GEMIN2: variants seen among roughly 807,000 people sequenced by gnomAD.
GEMIN2 encodes the protein gem-associated protein 2.
In GEMIN2, 37 loss-of-function variants were observed where a neutral mutation model predicts 45.8. That is an observed-to-expected ratio of 0.81 (90% CI 0.62 to 1.06). GEMIN2 has a LOEUF of 1.06. Ranked by LOEUF, GEMIN2 falls within the 50% of genes least tolerant of loss-of-function variation. GEMIN2 has a pLI of 0.00. For synonymous variants in GEMIN2, 101 were observed against 111.5 expected (o/e 0.91, Z 0.60); for missense variants, 335 against 321.8 (o/e 1.04, Z -0.31).
At position 39,131,941 on chromosome 14, in the gene GEMIN2, T is replaced by A. The variant is rs531541693; in HGVS notation, c.601-17T>A. ...TCAGTATTTGTCTAAATATTAATTTTTTGAATTTTTTTTTAGGGAAGATGG... is the reference window on the plus strand; with the variant it reads ...TCAGTATTTGTCTAAATATTAATTTATTGAATTTTTTTTTAGGGAAGATGG... On this transcript the variant is annotated splice_polypyrimidine_tract_variant and intron_variant, in intron 7 of 9. Coordinates refer to ENST00000308317, the MANE Select transcript of GEMIN2 (RefSeq NM_003616.3). The A allele has an allele frequency of 7.7e-7, 1 of 1,306,482 alleles. No individual in the cohort carries two copies. Among genetic ancestry groups the A allele is most frequent in the Non-Finnish European group, 1.1e-6 (1 of 906,222 alleles). The allele number at this position is 1,306,482 out of a possible 1,614,324, so 80.9% of individuals were successfully genotyped here.
intron 7 of GEMIN2, 70 bp from the exon 8 acceptor site, chr14:39,131,888 T>G (rs768996630): frequency 1.7e-5 from 13 of 769,482 alleles, no homozygotes; most frequent in Non-Finnish European, 2.8e-5. Flanking sequence ...AGGCATAACA[T>G]TGGACATTTA....
intron 8 of GEMIN2, among the ~76,000 whole-genome samples, chr14:39,133,082 TAAG>T (rs1471560168): frequency 7.6e-6 from 1 of 130,722 alleles, no homozygotes; most frequent in Non-Finnish European, 1.7e-5. Flanking sequence ...TGAATATATA[TAAG>T]AACAGTAAGA....
intron 2 of GEMIN2, 64 bp downstream of exon 2, chr14:39,114,977 C>T (rs1318533849): frequency 1.3e-6 from 1 of 789,604 alleles, no homozygotes; most frequent in Non-Finnish European, 2.3e-6. Context: ...AACGCTCTTC[C>T]TATAGTATCT....
In GEMIN2 at chr14:39,136,619, G is replaced by T. The variant is rs2052785196; in HGVS notation, c.*140G>T. On this transcript the variant is annotated 3_prime_UTR_variant, in exon 10 of 10. Coordinates refer to ENST00000308317, the MANE Select transcript of GEMIN2 (RefSeq NM_003616.3). ...TTCACATCTTAACCTGTGCAATTCA[G>T]ATTGATACTCAGAATATGGGTTGAT... 3.1e-6 allele frequency: 2 copies of T among 643,776 alleles called. No homozygotes were observed. The highest frequency in any genetic ancestry group is 2.7e-5 in the Admixed American group (1 of 37,500). The allele number at this position is 643,776 out of a possible 1,614,324, so 39.9% of individuals were successfully genotyped here.
At chr14:39,136,079 T>TGA (rs898164994) in intron 9 of GEMIN2, among the ~76,000 whole-genome samples, 1 of 152,032 alleles carries the variant, frequency 6.6e-6, no homozygotes, top group African/African-American at 2.4e-5. Context: ...GGTGACAGAG[T>TGA]GAGACCTTGT....
intron 8 of GEMIN2, among the ~76,000 whole-genome samples, chr14:39,133,121 T>A (rs1240793978): frequency 6.8e-6 from 1 of 146,030 alleles, no homozygotes; most frequent in Non-Finnish European, 1.5e-5. Flanking sequence ...TGTACAGTGA[T>A]TAATATATAT....
intron 6 of GEMIN2, among the ~76,000 whole-genome samples, chr14:39,127,014 C>T (rs1019130435): frequency 1.3e-5 from 2 of 151,164 alleles, no homozygotes; most frequent in Admixed American, 6.6e-5. Context: ...CCACCCGCCT[C>T]AGCCTCCCAA....
chr14:39,118,840 T>C (rs1273026890), intron 4 of GEMIN2, among the ~76,000 whole-genome samples: 20 of 150,676 alleles, frequency 1.3e-4, no homozygotes. Context: ...TAGAGTGCAG[T>C]CATGGCTCAC....
intron 4 of GEMIN2, among the ~76,000 whole-genome samples, chr14:39,119,609 T>C (rs1229226263): frequency 1.3e-5 from 2 of 152,216 alleles, no homozygotes; most frequent in Non-Finnish European, 2.9e-5. Flanking sequence ...TCATAGATTT[T>C]AGATTTTAGA....
Position 39,133,645 on chromosome 14 carries a change from C to CTTT in GEMIN2, c.712-5_712-3dup. 1.1e-4 allele frequency: 125 copies of CTTT among 1,151,044 alleles called. No homozygotes were observed. The highest frequency in any genetic ancestry group is 1.4e-4 in the Non-Finnish European group (114 of 832,266). The allele number at this position is 1,151,044 out of a possible 1,614,324, so 71.3% of individuals were successfully genotyped here. A position where few individuals can be genotyped will look rare whatever the true frequency, so the allele number is the denominator to read the frequency against. On this transcript the variant is annotated splice_polypyrimidine_tract_variant and intron_variant, in intron 8 of 9. Coordinates refer to ENST00000308317, the MANE Select transcript of GEMIN2 (RefSeq NM_003616.3). ...AGGAACAGACAATATTTAAATTTTT[C>CTTT]TTTTTTTTTTTTTAGGATAGCAAAG... is the stretch of plus-strand genomic sequence containing the variant.
intron 6 of GEMIN2, among the ~76,000 whole-genome samples, chr14:39,126,057 T>C (rs1358218017): frequency 6.6e-6 from 1 of 151,506 alleles, no homozygotes; most frequent in Non-Finnish European, 1.5e-5. Context: ...ATATGATTTC[T>C]TGGATCAAAA....
intron 5 of GEMIN2, among the ~76,000 whole-genome samples, chr14:39,123,174 GGT>G (rs1223490514): frequency 2.6e-5 from 4 of 152,146 alleles, no homozygotes; most frequent in African/African-American, 9.7e-5. Context: ...CAAGTTTGCA[GGT>G]GTTCCTTGAG....
At chr14:39,122,305 A>G (rs766194056) in intron 4 of GEMIN2, 125 bp from the exon 5 acceptor site, 254 of 614,604 alleles carry the variant, frequency 4.1e-4, no homozygotes, top group Non-Finnish European at 6.1e-4. Context: ...GATTCTCCCC[A>G]TAACTGGCTC....
Position 39,133,645 on chromosome 14 carries a change from C to CTTTT in GEMIN2, c.712-6_712-3dup. 6.1e-6 allele frequency: 7 copies of CTTTT among 1,150,584 alleles called. No homozygotes were observed. The highest frequency in any genetic ancestry group is 8.4e-6 in the Non-Finnish European group (7 of 832,138). 71.3% of individuals were successfully genotyped at this position (1,150,584 alleles called of 1,614,324 possible). ...AGGAACAGACAATATTTAAATTTTT[C>CTTTT]TTTTTTTTTTTTTAGGATAGCAAAG... On this transcript the variant is annotated splice_polypyrimidine_tract_variant and intron_variant, in intron 8 of 9. Transcript: ENST00000308317.
At chr14:39,135,848 C>T (rs2052774886) in intron 9 of GEMIN2, among the ~76,000 whole-genome samples, 1 of 152,160 alleles carries the variant, frequency 6.6e-6, no homozygotes, top group Non-Finnish European at 1.5e-5. Context: ...TCCTCATTAT[C>T]CTCTTTTTTC....
intron 9 of GEMIN2, among the ~76,000 whole-genome samples, chr14:39,135,505 G>C (rs1396756558): frequency 6.6e-6 from 1 of 151,988 alleles, no homozygotes; most frequent in Non-Finnish European, 1.5e-5. Context: ...AGAATCACTT[G>C]AACCTGGGAG....
intron 3 of GEMIN2, 84 bp from the exon 4 acceptor site, chr14:39,118,456 A>T (rs1022135592): frequency 1.1e-5 from 8 of 744,024 alleles, no homozygotes; most frequent in Admixed American, 3.7e-5. Context: ...CAAGTTTTAG[A>T]TGGTTACAAT....
intron 8 of GEMIN2, among the ~76,000 whole-genome samples, chr14:39,133,265 A>G (rs1395518785): frequency 6.9e-6 from 1 of 144,922 alleles, no homozygotes; most frequent in Non-Finnish European, 1.5e-5. Flanking sequence ...ATATATATTT[A>G]TTATATATGA....
chr14:39,136,557 T>C lies in GEMIN2; in HGVS notation c.*78T>C. The C allele has an allele frequency of 8.8e-7, 1 of 1,131,802 alleles. No homozygotes were observed. Among genetic ancestry groups the C allele is most frequent in the Non-Finnish European group, 1.3e-6 (1 of 748,568 alleles). The allele number at this position is 1,131,802 out of a possible 1,614,324, so 70.1% of individuals were successfully genotyped here. Reference sequence around the variant, plus strand: ...CTGAGGAAAACAATGCCAATTCAAGTACAGATTTCAACACATCTTCAACAC... The same window carrying C: ...CTGAGGAAAACAATGCCAATTCAAGCACAGATTTCAACACATCTTCAACAC... On this transcript the variant is annotated 3_prime_UTR_variant, in exon 10 of 10. Transcript: ENST00000308317.
Sources: gnomAD v4.1 joint callset for allele counts (sites outside exome capture counted in the v4.1 genomes callset) on GRCh38, gnomAD v4.1.1 for gene constraint, MANE v1.5 for transcripts, NCBI Gene and HGNC (gene_info 2026-07-23, HGNC 2026-07-21) for gene names.